Variants in CAMK2D observed in about 807,000 individuals in gnomAD.
CAMK2D encodes calcium/calmodulin-dependent protein kinase type II subunit delta.
A neutral mutation model predicts 84.0 loss-of-function variants in CAMK2D; 37 were observed. The ratio of observed to expected loss-of-function variants is 0.44; its 90% CI spans 0.34 to 0.58. The LOEUF is 0.58. Among genes scored for constraint, CAMK2D ranks in the 20% least tolerant of loss-of-function variants. The pLI is 0.02. For missense variants in CAMK2D, 448 were observed against 652.5 expected (o/e 0.69, Z 3.41); for synonymous variants, 202 against 212.5 (o/e 0.95, Z 0.43).
At chr4:113,678,754 G>C (rs1353445117) in intron 2 of CAMK2D, among the ~76,000 whole-genome samples, 1 of 152,114 alleles carries the variant, frequency 6.6e-6, no homozygotes, top group Non-Finnish European at 1.5e-5. Flanking sequence ...AAAGGTCTAA[G>C]TGAAGCAAAG....
At chr4:113,651,770 G>C (rs1421136541) in intron 3 of CAMK2D, among the ~76,000 whole-genome samples, 1 of 151,974 alleles carries the variant, frequency 6.6e-6, no homozygotes, top group African/African-American at 2.4e-5. Flanking sequence ...TTCATGATCA[G>C]TAAGAGAGAA....
intron 3 of CAMK2D, among the ~76,000 whole-genome samples, chr4:113,626,193 A>G (rs2099067693): frequency 1.3e-5 from 2 of 152,150 alleles, no homozygotes; most frequent in Non-Finnish European, 2.9e-5. Context: ...AGTAACTGGT[A>G]TACTGGAATA....
chr4:113,693,246 T>C (rs1055305224), intron 2 of CAMK2D, among the ~76,000 whole-genome samples: 1 of 152,160 alleles, frequency 6.6e-6, no homozygotes, highest in Non-Finnish European at 1.5e-5. Context: ...CCAACATTTG[T>C]ACAGTTTATG....
At position 113,596,820 on chromosome 4, in the gene CAMK2D, A is replaced by AT. The variant is rs34155395; in HGVS notation, c.275+12331dup. ...TAGCATCTATCTTAAGGGTCCTAGA[A>AT]TTTTTTTTTTTTTTTTTGAGATGGA... On this transcript the variant is annotated intron_variant, in intron 4 of 20. Transcript: ENST00000511664. 9.0e-3 allele frequency among the ~76,000 whole-genome samples: 1,279 copies of AT among 142,146 alleles called. 1 individual carries two copies. The highest frequency in any genetic ancestry group is 0.012 in the Non-Finnish European group (767 of 65,282). The allele number at this position is 142,146 out of a possible 152,430, so 93.3% of individuals were successfully genotyped here.
At chr4:113,518,461 T>C (rs1466168485) in intron 8 of CAMK2D, among the ~76,000 whole-genome samples, 3 of 152,204 alleles carry the variant, frequency 2.0e-5, no homozygotes, top group African/African-American at 7.2e-5. Context: ...TGAAATCATA[T>C]CTGCAGTCTA....
At chr4:113,542,954 A>C (rs2098540979) in intron 6 of CAMK2D, among the ~76,000 whole-genome samples, 1 of 152,192 alleles carries the variant, frequency 6.6e-6, no homozygotes, top group East Asian at 1.9e-4. Flanking sequence ...CTAATAGTAA[A>C]GGCAGCATTC....
chr4:113,709,979 G>A (rs995118258), intron 2 of CAMK2D, among the ~76,000 whole-genome samples: 9 of 150,906 alleles, frequency 6.0e-5, no homozygotes, highest in Non-Finnish European at 1.2e-4. Flanking sequence ...GTTTGATTCT[G>A]TTATGAGAAA....
At chr4:113,596,064 T>G (rs915926181) in intron 4 of CAMK2D, among the ~76,000 whole-genome samples, 9 of 152,378 alleles carry the variant, frequency 5.9e-5, no homozygotes, top group Admixed American at 5.2e-4. Context: ...ATTAACTTTA[T>G]GTAATATTCT....
intron 2 of CAMK2D, among the ~76,000 whole-genome samples, chr4:113,686,769 T>C (rs1029018378): frequency 9.9e-5 from 15 of 152,138 alleles, no homozygotes; most frequent in African/African-American, 3.6e-4. Flanking sequence ...TTCTCATCCA[T>C]AGTGATTAGT....
intron 2 of CAMK2D, among the ~76,000 whole-genome samples, chr4:113,688,115 C>T (rs1400732570): frequency 1.3e-5 from 2 of 152,170 alleles, no homozygotes; most frequent in South Asian, 4.1e-4. Flanking sequence ...GAAAATTCTG[C>T]CCTCCAATGT....
intron 4 of CAMK2D, among the ~76,000 whole-genome samples, chr4:113,579,684 C>G (rs1005978290): frequency 6.6e-6 from 1 of 152,194 alleles, no homozygotes; most frequent in African/African-American, 2.4e-5. Flanking sequence ...CACTATGCTT[C>G]TTGTACAGTC....
intron 2 of CAMK2D, among the ~76,000 whole-genome samples, chr4:113,667,043 C>T (rs1305760163): frequency 6.6e-6 from 1 of 152,196 alleles, no homozygotes; most frequent in East Asian, 1.9e-4. Flanking sequence ...TTCCAAGAAA[C>T]TACAGCCTCG....
intron 3 of CAMK2D, among the ~76,000 whole-genome samples, chr4:113,617,582 T>C (rs768162462): frequency 3.9e-5 from 6 of 152,082 alleles, no homozygotes; most frequent in South Asian, 2.1e-4. Context: ...ACAGACAATA[T>C]ATGGGAAAAG....
intron 6 of CAMK2D, among the ~76,000 whole-genome samples, chr4:113,544,837 A>C (rs1050434784): frequency 6.6e-6 from 1 of 152,064 alleles, no homozygotes; most frequent in Admixed American, 6.6e-5. Context: ...CCATGTATCC[A>C]CTAGGTTCTG....
intron 2 of CAMK2D, among the ~76,000 whole-genome samples, chr4:113,728,821 T>C (rs1011418421): frequency 7.9e-5 from 12 of 152,050 alleles, no homozygotes; most frequent in African/African-American, 2.9e-4. Flanking sequence ...AATGAGATAA[T>C]GGATAGGAAA....
intron 4 of CAMK2D, among the ~76,000 whole-genome samples, chr4:113,592,224 T>A (rs1305792688): frequency 6.6e-6 from 1 of 152,130 alleles, no homozygotes; most frequent in Non-Finnish European, 1.5e-5. Context: ...GGGCTTCCTG[T>A]CTGCAAAGTC....
rs146218657 is a variant in CAMK2D at position 113,732,412 on chromosome 4, C to T, written c.160+26908G>A. Among the ~76,000 whole-genome samples the T allele has an allele frequency of 5.9e-3, 892 of 152,206 alleles. 6 individuals are homozygous for T. The highest frequency in any genetic ancestry group is 0.012 in the South Asian group (57 of 4,826). On this transcript the variant is annotated intron_variant, in intron 2 of 20. Transcript: ENST00000511664. The stretch of plus-strand genomic sequence containing the variant: ...TGCTGGAATTACAGGTGTGAGCCAC[C>T]GTGCCCCACCCTGCACTCCTTTTTA...
chr4:113,613,180 T>A (rs932699260), intron 3 of CAMK2D, among the ~76,000 whole-genome samples: 1 of 152,168 alleles, frequency 6.6e-6, no homozygotes, highest in African/African-American at 2.4e-5. Flanking sequence ...ATTTAATATA[T>A]GCAAGCACCA....
At chr4:113,469,493 C>G (rs2097522248) in intron 16 of CAMK2D, among the ~76,000 whole-genome samples, 1 of 152,178 alleles carries the variant, frequency 6.6e-6, no homozygotes, top group Non-Finnish European at 1.5e-5. Context: ...GAGTCCCTCT[C>G]CTTATCTCAT....
Sources: gnomAD v4.1 joint callset for allele counts (sites outside exome capture counted in the v4.1 genomes callset) on GRCh38, gnomAD v4.1.1 for gene constraint, MANE v1.5 for transcripts, NCBI Gene and HGNC (gene_info 2026-07-23, HGNC 2026-07-21) for gene names.